The following MAGI2 variants were observed in gnomAD, a reference collection of about 807,000 sequenced individuals.
MAGI2 encodes membrane-associated guanylate kinase, WW and PDZ domain-containing protein 2.
MAGI2 carries 35 observed loss-of-function variants against 133.3 expected under a neutral mutation model. The observed-to-expected ratio is 0.26, with a 90% CI of 0.20 to 0.35. The LOEUF (loss-of-function observed/expected upper bound fraction) is 0.35. Ranked by LOEUF, MAGI2 falls within the 10% of genes least tolerant of loss-of-function variation. The pLI, the probability that MAGI2 is intolerant of heterozygous loss-of-function variation, is 1.00. For missense variants in MAGI2, 1,636 were observed against 1,863.4 expected (o/e 0.88, Z 2.25); for synonymous variants, 729 against 710.6 (o/e 1.03, Z -0.41).
rs780778802 is a variant in MAGI2 at position 78,178,093 on chromosome 7, T to C, written c.2321A>G (p.Tyr774Cys). 3 of 1,611,648 alleles carry C rather than the reference T, an allele frequency of 1.9e-6. No homozygotes were observed. The South Asian group carries it at 3.3e-5, about 18-fold the overall frequency. ...CCGAAGATGAACATCCAATTCCTTA[T>C]AATCTGGACCTGGCATAAAGGAGAT... ...SFRMDSSGPD[Y>C]KELDVHLRRM... The change falls in exon 14 of 22, where the codon TAT becomes TGT. Residue 774 changes from tyrosine to cysteine, a missense_variant. Physicochemically the swap from Tyr to Cys is radical, Grantham distance 194. Transcript: ENST00000354212.
intron 1 of MAGI2, chr7:79,411,774 T>C (rs1243823753): frequency 6.6e-6 from 1 of 152,096 alleles, no homozygotes; most frequent in African/African-American, 2.4e-5. Flanking sequence ...GAATCGTGAT[T>C]GAAGTCTTTT....
chr7:78,997,853 T>C (rs1365794845), intron 2 of MAGI2, among the ~76,000 whole-genome samples: 2 of 152,258 alleles, frequency 1.3e-5, no homozygotes, highest in East Asian at 3.9e-4. Context: ...AATTCAACAT[T>C]AGAAGGCACT....
chr7:78,373,450 T>G (rs1794125032), intron 6 of MAGI2, among the ~76,000 whole-genome samples: 1 of 152,170 alleles, frequency 6.6e-6, no homozygotes, highest in African/African-American at 2.4e-5. Flanking sequence ...GGCAGCTAAG[T>G]GGGAGTTATG....
At chr7:78,918,527 C>A (rs976886513) in intron 2 of MAGI2, among the ~76,000 whole-genome samples, 1 of 152,074 alleles carries the variant, frequency 6.6e-6, no homozygotes, top group Non-Finnish European at 1.5e-5. Flanking sequence ...GCTCAATAAA[C>A]ATTTAATGAT....
intron 10 of MAGI2, among the ~76,000 whole-genome samples, chr7:78,229,388 T>C (rs903710223): frequency 2.0e-5 from 3 of 152,190 alleles, no homozygotes; most frequent in African/African-American, 7.2e-5. Context: ...AGGGCCTGTG[T>C]CCTAACAACC....
At chr7:78,794,074 G>A (rs2151375477) in intron 2 of MAGI2, among the ~76,000 whole-genome samples, 1 of 152,304 alleles carries the variant, frequency 6.6e-6, no homozygotes. Context: ...TAATAAAGTA[G>A]TCTAAATTAT....
chr7:78,453,232 C>G (rs1396489227), intron 6 of MAGI2, among the ~76,000 whole-genome samples: 1 of 152,144 alleles, frequency 6.6e-6, no homozygotes, highest in Non-Finnish European at 1.5e-5. Context: ...CACCAAGGTA[C>G]TGCAGGGACA....
intron 3 of MAGI2, chr7:78,567,837 C>T (rs965430166): frequency 1.3e-5 from 2 of 152,234 alleles, no homozygotes; most frequent in Admixed American, 1.3e-4. Context: ...GGTAAAACTC[C>T]CTATGGGAAG....
intron 2 of MAGI2, among the ~76,000 whole-genome samples, chr7:78,699,831 C>A (rs1422017821): frequency 3.3e-5 from 5 of 151,882 alleles, no homozygotes; most frequent in African/African-American, 9.7e-5. Flanking sequence ...AAGTGAGTAC[C>A]AAGAAACTTT....
intron 9 of MAGI2, among the ~76,000 whole-genome samples, chr7:78,275,899 G>A (rs1014842564): frequency 2.6e-5 from 4 of 152,058 alleles, no homozygotes; most frequent in African/African-American, 4.8e-5. Context: ...AAACATATAC[G>A]TAATATCTTT....
chr7:78,859,058 AC>A (rs755411814), intron 2 of MAGI2, among the ~76,000 whole-genome samples: 35 of 145,322 alleles, frequency 2.4e-4, no homozygotes, highest in Non-Finnish European at 4.5e-4. Flanking sequence ...TAGGATTGCA[AC>A]CCCTGCTTTT....
chr7:78,820,273 G>A (rs1789977195), intron 2 of MAGI2, among the ~76,000 whole-genome samples: 1 of 151,898 alleles, frequency 6.6e-6, no homozygotes, highest in African/African-American at 2.4e-5. Flanking sequence ...CTTTTAGGTG[G>A]CAGAAGTAAT....
At chr7:79,166,193 T>G (rs1824888377) in intron 1 of MAGI2, among the ~76,000 whole-genome samples, 1 of 152,198 alleles carries the variant, frequency 6.6e-6, no homozygotes, top group Non-Finnish European at 1.5e-5. Context: ...ACTGTGGATA[T>G]AATGAGATAG....
intron 2 of MAGI2, among the ~76,000 whole-genome samples, chr7:78,664,650 C>A (rs181928373): frequency 6.6e-6 from 1 of 151,918 alleles, no homozygotes; most frequent in Non-Finnish European, 1.5e-5. Flanking sequence ...ACTTACTTTG[C>A]ATTGTCAGTG....
chr7:79,308,506 G>C (rs1409321775), intron 1 of MAGI2, among the ~76,000 whole-genome samples: 1 of 152,172 alleles, frequency 6.6e-6, no homozygotes, highest in East Asian at 1.9e-4. Flanking sequence ...CCAAGAAATT[G>C]CCTGCTGGTG....
chr7:78,160,358 C>T lies in MAGI2; in HGVS notation c.2597-85G>A, dbSNP rs1022859584. ...CCTATGTACTAGGCACTGTTCTAGA[C>T]AGTGGTATTGTTACAAGACTGGTTG... On this transcript the variant is annotated intron_variant, in intron 15 of 21. Coordinates refer to ENST00000354212, the MANE Select transcript of MAGI2 (RefSeq NM_012301.4). 136 of 1,366,794 alleles carry T rather than the reference C, an allele frequency of 1.0e-4. No individual in the cohort carries two copies. In the Middle Eastern group the frequency reaches 1.2e-3, roughly 12 times the overall value. The allele number at this position is 1,366,794 out of a possible 1,614,324, so 84.7% of individuals were successfully genotyped here.
At chr7:79,112,130 T>C (rs1474651949) in intron 1 of MAGI2, among the ~76,000 whole-genome samples, 1 of 152,008 alleles carries the variant, frequency 6.6e-6, no homozygotes, top group Non-Finnish European at 1.5e-5. Flanking sequence ...TATCATTCTA[T>C]AATTATACAT....
At chr7:78,472,944 C>A (rs780320496) in intron 6 of MAGI2, among the ~76,000 whole-genome samples, 5 of 152,050 alleles carry the variant, frequency 3.3e-5, no homozygotes, top group Non-Finnish European at 7.4e-5. Context: ...GAAAGGTCAC[C>A]AACTGAGGAA....
At chr7:78,854,727 A>T (rs57854041) in intron 2 of MAGI2, among the ~76,000 whole-genome samples, 8,851 of 151,628 alleles carry the variant, frequency 0.058, 561 homozygotes, top group East Asian at 0.2. Flanking sequence ...TGCTTGGCAT[A>T]GTTGTGGTTT....
Sources: allele counts gnomAD v4.1 joint callset (sites outside exome capture counted in the v4.1 genomes callset), GRCh38; gene constraint gnomAD v4.1.1; transcripts MANE v1.5; gene names NCBI Gene and HGNC (gene_info 2026-07-23, HGNC 2026-07-21).